DLG2: variants seen among roughly 807,000 people sequenced by gnomAD.
DLG2 encodes the protein disks large homolog 2.
DLG2 carries 45 observed loss-of-function variants against 132.5 expected under a neutral mutation model. The observed-to-expected ratio is 0.34, with a 90% confidence interval of 0.27 to 0.44. The LOEUF is 0.44. DLG2 is among the 20% of genes least tolerant of loss of function. The pLI, the probability that DLG2 is intolerant of heterozygous loss-of-function variation, is 1.00. For missense variants in DLG2, 1,045 were observed against 1,196.9 expected (o/e 0.87, Z 1.87); for synonymous variants, 424 against 419.6 (o/e 1.01, Z -0.13).
chr11:84,480,828 T>C (rs2099135240), intron 7 of DLG2, among the ~76,000 whole-genome samples: 1 of 145,812 alleles, frequency 6.9e-6, no homozygotes, highest in African/African-American at 2.5e-5. Context: ...TGATCTCACC[T>C]CCCGGGTTCA....
At chr11:84,904,479 C>CTAACTAAATCTATTTTTT (rs1487664703) in intron 6 of DLG2, among the ~76,000 whole-genome samples, 1 of 152,106 alleles carries the variant, frequency 6.6e-6, no homozygotes, top group Non-Finnish European at 1.5e-5. Context: ...TTAACTAAAT[C>CTAACTAAATCTATTTTTT]AGACTATACT....
intron 3 of DLG2, among the ~76,000 whole-genome samples, chr11:85,399,383 C>T (rs2152959916): frequency 6.6e-6 from 1 of 152,234 alleles, no homozygotes; most frequent in East Asian, 1.9e-4. Flanking sequence ...TCAATGCCAT[C>T]CCCATCAAGC....
intron 3 of DLG2, among the ~76,000 whole-genome samples, chr11:85,332,228 A>G (rs1390565240): frequency 1.3e-5 from 2 of 152,150 alleles, no homozygotes; most frequent in Non-Finnish European, 2.9e-5. Context: ...GATAATAAAC[A>G]TTTGTTCATG....
chr11:84,021,206 A>G (rs1429309534), intron 11 of DLG2, among the ~76,000 whole-genome samples: 3 of 152,150 alleles, frequency 2.0e-5, no homozygotes, highest in Non-Finnish European at 4.4e-5. Context: ...TAACATTGGT[A>G]TTACTGTTAT....
intron 6 of DLG2, among the ~76,000 whole-genome samples, chr11:84,767,257 T>C (rs1244216599): frequency 1.3e-5 from 2 of 152,082 alleles, no homozygotes; most frequent in Non-Finnish European, 2.9e-5. Flanking sequence ...ATTATGGTGG[T>C]CATAAAACTA....
Position 84,657,667 on chromosome 11 carries a change from C to T in DLG2, c.358-122936G>A, listed in dbSNP as rs565880047. 1.0e-3 allele frequency among the ~76,000 whole-genome samples: 152 copies of T among 152,212 alleles called. 2 individuals carry two copies. The highest frequency in any genetic ancestry group is 3.2e-3 in the African/African-American group (135 of 41,546). ...TCCTGCTCCTATGAGAATCTAATGC[C>T]GTTGTTAATCTGACAGGAAGTAGAG... On this transcript the variant is annotated intron_variant, in intron 6 of 27. Coordinates refer to ENST00000376104, the MANE Select transcript of DLG2 (RefSeq NM_001142699.3).
intron 10 of DLG2, among the ~76,000 whole-genome samples, chr11:84,090,601 A>T (rs1269170130): frequency 1.3e-5 from 2 of 152,206 alleles, no homozygotes; most frequent in African/African-American, 4.8e-5. Context: ...CCAAAATTAC[A>T]TATGTGAAAC....
intron 7 of DLG2, among the ~76,000 whole-genome samples, chr11:84,375,948 T>G (rs2154431660): frequency 6.6e-6 from 1 of 152,166 alleles, no homozygotes; most frequent in South Asian, 2.1e-4. Context: ...TTTTCATAAT[T>G]TCCATTTCAT....
At chr11:83,850,142 GTGTGTGTGTGTGTGTGTGTT>G (rs1460264129) in intron 16 of DLG2, among the ~76,000 whole-genome samples, 3 of 131,302 alleles carry the variant, frequency 2.3e-5, no homozygotes, top group East Asian at 2.0e-4. Context: ...GTGTGTGTGT[GTGTGTGTGTGTGTGTGTGTT>G]TTTTTACTTG....
chr11:85,077,551 TA>T lies in DLG2; in HGVS notation c.357+34109del, dbSNP rs1295529207. ...GATATAAAGTTAAAAGCACAAAATT[TA>T]AATGCCAGTGAATGGAAAGTTGAAC... On this transcript the variant is annotated intron_variant, in intron 6 of 27. Transcript: ENST00000376104. 2.0e-5 allele frequency among the ~76,000 whole-genome samples: 3 copies of T among 152,178 alleles called. No homozygotes were observed. The East Asian group carries it at 5.8e-4, about 30-fold the overall frequency.
chr11:84,580,903 G>C (rs1390589054), intron 6 of DLG2, among the ~76,000 whole-genome samples: 2 of 152,042 alleles, frequency 1.3e-5, no homozygotes, highest in East Asian at 1.9e-4. Context: ...TTTACCATCA[G>C]GTAGTCTAAA....
chr11:84,150,059 T>A lies in DLG2; in HGVS notation c.624+13402A>T, dbSNP rs910165697. Among the ~76,000 whole-genome samples the A allele has an allele frequency of 2.0e-5, 3 of 152,182 alleles. No homozygotes were observed. The South Asian group carries it at 6.2e-4, about 31-fold the overall frequency. ...GTGTGAGCCACTGCACCCAGCCACA[T>A]ATGGATTTTAGATTAGTATTTTCTT... On this transcript the variant is annotated intron_variant, in intron 9 of 27. Transcript: ENST00000376104.
At chr11:84,627,165 C>T (rs140956873) in intron 6 of DLG2, among the ~76,000 whole-genome samples, 103 of 152,250 alleles carry the variant, frequency 6.8e-4, no homozygotes, top group African/African-American at 2.4e-3. Context: ...CCACCACTCC[C>T]GGCCCAATTA....
At chr11:84,454,641 A>G (rs1451465320) in intron 7 of DLG2, among the ~76,000 whole-genome samples, 1 of 151,614 alleles carries the variant, frequency 6.6e-6, no homozygotes, top group African/African-American at 2.4e-5. Context: ...ATAAAATGAA[A>G]TACTGCTCAG....
chr11:85,269,955 A>T (rs1193441373), intron 4 of DLG2, among the ~76,000 whole-genome samples: 2 of 152,248 alleles, frequency 1.3e-5, no homozygotes, highest in Non-Finnish European at 2.9e-5. Context: ...TATCTAGAAC[A>T]CTTAATATAT....
intron 3 of DLG2, among the ~76,000 whole-genome samples, chr11:85,494,804 T>A (rs78515475): frequency 1.3e-5 from 2 of 151,764 alleles, no homozygotes; most frequent in Admixed American, 6.6e-5. Flanking sequence ...CAAAGAAACA[T>A]AGAAGATATA....
chr11:84,745,710 G>C (rs932005153), intron 6 of DLG2, among the ~76,000 whole-genome samples: 10 of 152,054 alleles, frequency 6.6e-5, no homozygotes, highest in Non-Finnish European at 1.0e-4. Context: ...GCAGCGATAA[G>C]ACTTAAAAAA....
At chr11:84,122,319 C>CAAAAT (rs1384416709) in intron 9 of DLG2, among the ~76,000 whole-genome samples, 2 of 152,114 alleles carry the variant, frequency 1.3e-5, no homozygotes, top group Non-Finnish European at 2.9e-5. Context: ...GACTTCATCT[C>CAAAAT]AAAATAAAAT....
intron 6 of DLG2, among the ~76,000 whole-genome samples, chr11:84,772,520 C>G (rs564040070): frequency 6.6e-6 from 1 of 152,250 alleles, no homozygotes; most frequent in African/African-American, 2.4e-5. Context: ...ATGGAACATA[C>G]TCCAAGATTG....
Sources: gnomAD v4.1 joint callset for allele counts (sites outside exome capture counted in the v4.1 genomes callset) on GRCh38, gnomAD v4.1.1 for gene constraint, MANE v1.5 for transcripts, NCBI Gene and HGNC (gene_info 2026-07-23, HGNC 2026-07-21) for gene names.